The following RAP1A variants were observed in gnomAD, a reference collection of about 807,000 sequenced individuals.
The protein encoded by RAP1A is RAP1A, member of RAS oncogene family.
In RAP1A, 6 loss-of-function variants were observed where a neutral mutation model predicts 26.4. The observed-to-expected ratio is 0.23, with a 90% CI of 0.12 to 0.45. The LOEUF (loss-of-function observed/expected upper bound fraction) is 0.45, where lower values mean the gene tolerates loss of function less well. RAP1A is among the 20% of genes least tolerant of loss of function. The pLI is 0.99. For missense variants in RAP1A, 121 were observed against 217.2 expected, an observed-to-expected ratio of 0.56 and a Z score of 2.78; for synonymous variants, 73 against 79.4, an observed-to-expected ratio of 0.92 and a Z score of 0.43.
At chr1:111,574,652 T>G (rs1307648522) in intron 1 of RAP1A, among the ~76,000 whole-genome samples, 1 of 152,238 alleles carries the variant, frequency 6.6e-6, no homozygotes, top group East Asian at 1.9e-4. Context: ...TTTGTAATTC[T>G]CACTGTAGAG....
intron 1 of RAP1A, among the ~76,000 whole-genome samples, chr1:111,576,654 A>AACG (rs772705134): frequency 3.3e-5 from 5 of 152,076 alleles, no homozygotes; most frequent in Non-Finnish European, 7.4e-5. Context: ...GGGAGGGAGG[A>AACG]ACGTGTGGGT....
Position 111,610,565 on chromosome 1 carries a change from CA to C in RAP1A, c.-28+68057del, listed in dbSNP as rs1203246159. Among the ~76,000 whole-genome samples, 7 of 151,882 alleles carry C rather than the reference CA, an allele frequency of 4.6e-5. No individual in the cohort carries two copies. In the East Asian group the frequency reaches 1.2e-3, roughly 25 times the overall value. ...ACACACACACACACACACACACACACACACACACACACACACCCAACACCAG... is the reference window on the plus strand; with the variant it reads ...ACACACACACACACACACACACACACCACACACACACACACCCAACACCAG... On this transcript the variant is annotated intron_variant, in intron 1 of 7. Coordinates refer to the RAP1A transcript ENST00000356415.
chr1:111,604,197 A>T (rs780375545), intron 1 of RAP1A, among the ~76,000 whole-genome samples: 16 of 152,224 alleles, frequency 1.1e-4, no homozygotes, highest in Non-Finnish European at 1.9e-4. Context: ...GAAGGCAGCA[A>T]ATGGGCTTGT....
intron 2 of RAP1A, among the ~76,000 whole-genome samples, chr1:111,691,898 T>C (rs1661680720): frequency 6.6e-6 from 1 of 152,216 alleles, no homozygotes; most frequent in African/African-American, 2.4e-5. Flanking sequence ...TAGTTTCTTA[T>C]GGAGCTTGCA....
intron 1 of RAP1A, among the ~76,000 whole-genome samples, chr1:111,571,808 A>C (rs1289213768): frequency 6.6e-6 from 1 of 152,176 alleles, no homozygotes. Context: ...CTCCATACAT[A>C]ACCTTGAAGT....
At chr1:111,667,156 G>A (rs995408332) in intron 1 of RAP1A, among the ~76,000 whole-genome samples, 1 of 152,112 alleles carries the variant, frequency 6.6e-6, no homozygotes, top group African/African-American at 2.4e-5. Flanking sequence ...GTCATGTAGT[G>A]GAAAAGAAAA....
At chr1:111,662,882 C>T (rs1660683605) in intron 1 of RAP1A, among the ~76,000 whole-genome samples, 1 of 152,106 alleles carries the variant, frequency 6.6e-6, no homozygotes, top group Non-Finnish European at 1.5e-5. Flanking sequence ...ATTTTGGACC[C>T]AGATATTCCT....
At chr1:111,635,387 A>G (rs774061947) in intron 1 of RAP1A, among the ~76,000 whole-genome samples, 2 of 152,252 alleles carry the variant, frequency 1.3e-5, no homozygotes, top group Admixed American at 6.5e-5. Context: ...ACACTTTGCA[A>G]AAGTTTGCAT....
At chr1:111,573,353 A>T (rs1658085468) in intron 1 of RAP1A, among the ~76,000 whole-genome samples, 1 of 152,166 alleles carries the variant, frequency 6.6e-6, no homozygotes, top group Non-Finnish European at 1.5e-5. Context: ...CACTCCCACC[A>T]ACAGTGTATA....
intron 1 of RAP1A, among the ~76,000 whole-genome samples, chr1:111,630,627 G>T (rs1659541508): frequency 6.6e-6 from 1 of 152,208 alleles, no homozygotes; most frequent in Non-Finnish European, 1.5e-5. Flanking sequence ...AGCTCGCTGA[G>T]ATGGTGATAT....
At chr1:111,643,832 A>G (rs1012630157) in intron 1 of RAP1A, among the ~76,000 whole-genome samples, 2 of 152,242 alleles carry the variant, frequency 1.3e-5, no homozygotes, top group Non-Finnish European at 2.9e-5. Flanking sequence ...ACATGCATAC[A>G]TTATGTAAAT....
At chr1:111,568,917 T>G (rs963509949) in intron 1 of RAP1A, among the ~76,000 whole-genome samples, 1 of 152,166 alleles carries the variant, frequency 6.6e-6, no homozygotes, top group African/African-American at 2.4e-5. Context: ...GTAAATACAT[T>G]TTCTCTTCCT....
intron 1 of RAP1A, chr1:111,648,630 G>A (rs899436092): frequency 1.2e-5 from 6 of 520,866 alleles, no homozygotes; most frequent in South Asian, 3.5e-5. Flanking sequence ...CTACAAACTG[G>A]CCTTCACATT....
intron 1 of RAP1A, among the ~76,000 whole-genome samples, chr1:111,562,739 A>G (rs936286119): frequency 2.0e-5 from 3 of 152,246 alleles, no homozygotes; most frequent in African/African-American, 7.2e-5. Context: ...CTCTGCCTGG[A>G]TCAGGAGGCC....
At chr1:111,657,846 A>T (rs1465677812) in intron 1 of RAP1A, among the ~76,000 whole-genome samples, 3 of 152,168 alleles carry the variant, frequency 2.0e-5, no homozygotes, top group Admixed American at 2.0e-4. Context: ...TCAAAATACC[A>T]ATTTATCCCT....
At chr1:111,683,193 C>T (rs1162686556) in intron 1 of RAP1A, among the ~76,000 whole-genome samples, 1 of 152,172 alleles carries the variant, frequency 6.6e-6, no homozygotes, top group Non-Finnish European at 1.5e-5. Context: ...ATTTATAGCA[C>T]TACATGCCCA....
Position 111,599,440 on chromosome 1 carries a change from C to T in RAP1A, c.-28+56931C>T, listed in dbSNP as rs574972301. 4.6e-5 allele frequency among the ~76,000 whole-genome samples: 7 copies of T among 152,278 alleles called. No homozygotes were observed. In the South Asian group the frequency reaches 8.3e-4, roughly 18 times the overall value. ...CAGGATGGTCTCCATCTCCTGACCT[C>T]GTGATCCACCTGCCTCAGCCTCCCA... On this transcript the variant is annotated intron_variant, in intron 1 of 7. Transcript: ENST00000356415.
intron 1 of RAP1A, among the ~76,000 whole-genome samples, chr1:111,628,528 A>G (rs1659468637): frequency 6.6e-6 from 1 of 152,306 alleles, no homozygotes; most frequent in Non-Finnish European, 1.5e-5. Context: ...CAGGAGTACA[A>G]GCTTTGGTAT....
intron 1 of RAP1A, among the ~76,000 whole-genome samples, chr1:111,628,565 C>A (rs1312652353): frequency 6.6e-6 from 1 of 152,120 alleles, no homozygotes; most frequent in Non-Finnish European, 1.5e-5. Flanking sequence ...TAAAAGCATT[C>A]ATCGAAAAGC....
Sources: allele counts gnomAD v4.1 joint callset (sites outside exome capture counted in the v4.1 genomes callset), GRCh38; gene constraint gnomAD v4.1.1; transcripts MANE v1.5; gene names NCBI Gene and HGNC (gene_info 2026-07-23, HGNC 2026-07-21).